AGAP1: variants seen among roughly 807,000 people sequenced by gnomAD.
The protein encoded by AGAP1 is ArfGAP with GTPase domain, ankyrin repeat and PH domain 1.
Under a neutral mutation model 105.3 loss-of-function variants are expected in AGAP1, and 29 were observed. That is an observed-to-expected ratio of 0.28 (90% CI 0.21 to 0.38). The LOEUF (loss-of-function observed/expected upper bound fraction) is 0.38, where lower values mean the gene tolerates loss of function less well. Among genes scored for constraint, AGAP1 ranks in the 10% least tolerant of loss-of-function variants. AGAP1 has a pLI of 1.00. For synonymous variants in AGAP1, 509 were observed against 485.9 expected, an observed-to-expected ratio of 1.05 and a Z score of -0.63; for missense variants, 998 against 1,165.1, an observed-to-expected ratio of 0.86 and a Z score of 2.09.
At chr2:235,731,114 G>T (rs897967392) in intron 3 of AGAP1, among the ~76,000 whole-genome samples, 1 of 152,190 alleles carries the variant, frequency 6.6e-6, no homozygotes, top group Non-Finnish European at 1.5e-5. Flanking sequence ...GACATGTAAT[G>T]GGGATGGCTG....
rs987815229 is a variant in AGAP1, at chr2:235,559,668, A to G, written c.163+64819A>G. ...ATTTTCTATACCCCTGAAATTTAACATTTTGGTGGGTATGATGTGGTATCT... is the reference window on the plus strand; with the variant it reads ...ATTTTCTATACCCCTGAAATTTAACGTTTTGGTGGGTATGATGTGGTATCT... On this transcript the variant is annotated intron_variant, in intron 1 of 17. Coordinates refer to ENST00000304032, the MANE Select transcript of AGAP1 (RefSeq NM_001037131.3). This position sits in a 1 kb window ranked among gnomAD's most constrained non-coding sequence, Gnocchi z 5.7. 6.6e-6 allele frequency among the ~76,000 whole-genome samples: 1 copy of G among 151,590 alleles called. No homozygotes were observed. The highest frequency in any genetic ancestry group is 1.5e-5 in the Non-Finnish European group (1 of 67,960).
chr2:235,813,570 C>T lies in AGAP1; in HGVS notation c.1050+6239C>T, dbSNP rs775140377. 2.6e-5 allele frequency among the ~76,000 whole-genome samples: 4 copies of T among 152,206 alleles called. No homozygotes were observed. The East Asian group carries it at 5.8e-4, about 22-fold the overall frequency. ...CCCGCAGCTCAGACCCCTAGGGGGG[C>T]GGGCAGGCAGTCAGGCGGGTTGTGG... On this transcript the variant is annotated intron_variant, in intron 9 of 17. Coordinates refer to ENST00000304032, the MANE Select transcript of AGAP1 (RefSeq NM_001037131.3).
intron 9 of AGAP1, among the ~76,000 whole-genome samples, chr2:235,809,136 C>A (rs1051895226): frequency 6.6e-6 from 1 of 151,962 alleles, no homozygotes; most frequent in African/African-American, 2.4e-5. Flanking sequence ...ACCAGCCTGG[C>A]GGGAGTCCCT....
At chr2:235,794,224 A>G (rs1957135991) in intron 6 of AGAP1, among the ~76,000 whole-genome samples, 1 of 152,180 alleles carries the variant, frequency 6.6e-6, no homozygotes, top group Admixed American at 6.5e-5. Context: ...GGTATCTTTT[A>G]TCTGTTAACC....
rs1559357631 is a variant in AGAP1, at chr2:235,692,138, T to C, written c.164-17041T>C. 2.6e-5 allele frequency among the ~76,000 whole-genome samples: 4 copies of C among 152,170 alleles called. No individual in the cohort carries two copies. The highest frequency in any genetic ancestry group is 4.8e-5 in the African/African-American group (2 of 41,440). Reference sequence around the variant, plus strand: ...TATTCATCTAAGAAGCTTTTGTACATGCGTTATGTATCCATAAGCCAAAGC... The same window carrying C: ...TATTCATCTAAGAAGCTTTTGTACACGCGTTATGTATCCATAAGCCAAAGC... On this transcript the variant is annotated intron_variant, in intron 1 of 17. Coordinates refer to ENST00000304032, the MANE Select transcript of AGAP1 (RefSeq NM_001037131.3). The surrounding 1 kb of genome is among the most constrained non-coding windows in gnomAD (Gnocchi z 5.8).
At chr2:235,503,616 A>G (rs560890328) in intron 1 of AGAP1, among the ~76,000 whole-genome samples, 70 of 152,074 alleles carry the variant, frequency 4.6e-4, no homozygotes, top group Non-Finnish European at 8.7e-4. Flanking sequence ...ATTTTTTGAG[A>G]CAGGGTCTCA....
rs548818004 is a variant in AGAP1, at chr2:236,104,140, C to T, written c.2115-16052C>T. Among the ~76,000 whole-genome samples, 27 of 152,196 alleles carry T rather than the reference C, an allele frequency of 1.8e-4. No homozygotes were observed. The highest frequency in any genetic ancestry group is 6.0e-4 in the African/African-American group (25 of 41,436). ...GGCAGTGGGTCTGCCCCAGGAGCCC[C>T]GCAAGGCGGGAGGCCTGTGTAAAGG... On this transcript the variant is annotated intron_variant, in intron 16 of 17. Coordinates refer to ENST00000304032, the MANE Select transcript of AGAP1 (RefSeq NM_001037131.3). The surrounding 1 kb of genome is among the most constrained non-coding windows in gnomAD (Gnocchi z 4.7).
At position 235,793,027 on chromosome 2, in the gene AGAP1, G is replaced by A. The variant is rs774950118; in HGVS notation, c.674-4732G>A. Among the ~76,000 whole-genome samples, 7 of 152,158 alleles carry A rather than the reference G, an allele frequency of 4.6e-5. No homozygotes were observed. The highest frequency in any genetic ancestry group is 7.2e-5 in the African/African-American group (3 of 41,432). ...AGGATGAGAAAGAGAAGTTCCAGCC[G>A]GAGGAGGAAAACCAGGGACGTCAGG... On this transcript the variant is annotated intron_variant, in intron 6 of 17. Coordinates refer to ENST00000304032, the MANE Select transcript of AGAP1 (RefSeq NM_001037131.3). The surrounding 1 kb of genome is among the most constrained non-coding windows in gnomAD (Gnocchi z 5.3).
chr2:235,747,131 C>G lies in AGAP1; in HGVS notation c.538+2292C>G, dbSNP rs1953019051. On this transcript the variant is annotated intron_variant, in intron 5 of 17. Coordinates refer to ENST00000304032, the MANE Select transcript of AGAP1 (RefSeq NM_001037131.3). The surrounding 1 kb of genome is among the most constrained non-coding windows in gnomAD (Gnocchi z 5.0). ...CATATTTCAATCTGCGACCAGTGTT[C>G]CAGGGTCCTGCCTGGAATCCTGAAC... Among the ~76,000 whole-genome samples the G allele has an allele frequency of 6.6e-6, 1 of 152,050 alleles. No individual in the cohort carries two copies. Among genetic ancestry groups the G allele is most frequent in the Non-Finnish European group, 1.5e-5 (1 of 68,014 alleles).
At position 235,992,824 on chromosome 2, in the gene AGAP1, C is replaced by T. The variant is rs903466513; in HGVS notation, c.1645+24201C>T. ...CTTTGGGGTAGACCAGCCGTTTCCA[C>T]GCACAGGCTGCACATTGTTTCATGG... On this transcript the variant is annotated intron_variant, in intron 13 of 17. Transcript: ENST00000304032. This position sits in a 1 kb window ranked among gnomAD's most constrained non-coding sequence, Gnocchi z 4.8. Among the ~76,000 whole-genome samples, 16 of 152,140 alleles carry T rather than the reference C, an allele frequency of 1.1e-4. No homozygotes were observed. The highest frequency in any genetic ancestry group is 1.6e-4 in the Non-Finnish European group (11 of 68,042).
At chr2:235,933,086 C>T (rs1325459416) in intron 12 of AGAP1, among the ~76,000 whole-genome samples, 4 of 152,174 alleles carry the variant, frequency 2.6e-5, no homozygotes, top group African/African-American at 9.7e-5. Context: ...TGCTGAGGGA[C>T]ATGGAAGGAG....
chr2:235,715,740 C>G (rs1020511934), intron 2 of AGAP1, among the ~76,000 whole-genome samples: 9 of 152,132 alleles, frequency 5.9e-5, no homozygotes, highest in African/African-American at 2.2e-4. Flanking sequence ...GAGAGAGGCC[C>G]TAGAGGCTGC....
rs1559350679 is a variant in AGAP1 at position 235,686,636 on chromosome 2, TATATATATAGATATATATATATA to T, written c.164-22542_164-22520del. Among the ~76,000 whole-genome samples the T allele has an allele frequency of 5.1e-4, 26 of 50,952 alleles. 1 individual carries two copies. Among genetic ancestry groups the T allele is most frequent in the East Asian group, 4.1e-3 (6 of 1,472 alleles). The allele number at this position is 50,952 out of a possible 152,430, so 33.4% of individuals were successfully genotyped here. A position where few individuals can be genotyped will look rare whatever the true frequency, so the allele number is the denominator to read the frequency against. ...GGAGATATAGATATATATATATATA[TATATATATAGATATATATATATA>T]TATATATTTTTTTTTTTTTTTAGAC... On this transcript the variant is annotated intron_variant, in intron 1 of 17. Transcript: ENST00000304032.
chr2:235,729,620 G>T lies in AGAP1; in HGVS notation c.311-11343G>T, dbSNP rs1449016347. On this transcript the variant is annotated intron_variant, in intron 3 of 17. Coordinates refer to ENST00000304032, the MANE Select transcript of AGAP1 (RefSeq NM_001037131.3). This position sits in a 1 kb window ranked among gnomAD's most constrained non-coding sequence, Gnocchi z 5.0. ...TCTTGGGGACCAAAATCCAAGCTAG[G>T]ATGGGGACAGAGGCCTGGAGACAAC... 6.6e-6 allele frequency among the ~76,000 whole-genome samples: 1 copy of T among 152,138 alleles called. No individual in the cohort carries two copies. The highest frequency in any genetic ancestry group is 2.4e-5 in the African/African-American group (1 of 41,396).
At chr2:235,760,247 C>T (rs1222724753) in intron 6 of AGAP1, among the ~76,000 whole-genome samples, 2 of 152,132 alleles carry the variant, frequency 1.3e-5, no homozygotes, top group African/African-American at 2.4e-5. Context: ...GGCATGGTGG[C>T]GTGTGCCTGT....
chr2:235,579,863 C>A (rs145271016), intron 1 of AGAP1, among the ~76,000 whole-genome samples: 22 of 152,310 alleles, frequency 1.4e-4, no homozygotes, highest in Non-Finnish European at 2.8e-4. Context: ...AATTTCATCA[C>A]CCCCGCCCAG....
At position 236,036,756 on chromosome 2, in the gene AGAP1, C is replaced by A; in HGVS notation, c.1800+41C>A. ...GCCCAAAACCAAGGCTGGGGCTGCTCAGGGGGAGTGCGGGCCCCAAGTAAT... is the reference window on the plus strand; with the variant it reads ...GCCCAAAACCAAGGCTGGGGCTGCTAAGGGGGAGTGCGGGCCCCAAGTAAT... On this transcript the variant is annotated intron_variant, in intron 14 of 17. Coordinates refer to ENST00000304032, the MANE Select transcript of AGAP1 (RefSeq NM_001037131.3). This position sits in a 1 kb window ranked among gnomAD's most constrained non-coding sequence, Gnocchi z 5.7. 2 of 1,611,564 alleles carry A rather than the reference C, an allele frequency of 1.2e-6. No individual in the cohort carries two copies. The highest frequency in any genetic ancestry group is 2.2e-5 in the South Asian group (2 of 90,664).
rs1297534663 is a variant in AGAP1, at chr2:235,740,156, A to G, written c.311-807A>G. Among the ~76,000 whole-genome samples, 1 of 152,148 alleles carries G rather than the reference A, an allele frequency of 6.6e-6. No homozygotes were observed. Among genetic ancestry groups the G allele is most frequent in the African/African-American group, 2.4e-5 (1 of 41,448 alleles). On this transcript the variant is annotated intron_variant, in intron 3 of 17. Transcript: ENST00000304032. This position sits in a 1 kb window ranked among gnomAD's most constrained non-coding sequence, Gnocchi z 5.7. ...CAGGGTGGAATCCTTCCCGCTGCCC[A>G]GCAGGAGCAGGGCTGGCCTAGCGGG...
intron 1 of AGAP1, among the ~76,000 whole-genome samples, chr2:235,656,767 C>T (rs1424512927): frequency 2.0e-5 from 3 of 152,188 alleles, no homozygotes; most frequent in East Asian, 1.9e-4. Flanking sequence ...AGTAACTTGC[C>T]TTGCTGAGAA....
Sources: allele counts gnomAD v4.1 joint callset (sites outside exome capture counted in the v4.1 genomes callset), GRCh38; gene constraint gnomAD v4.1.1; non-coding constraint Gnocchi (gnomAD v3.1); transcripts MANE v1.5; gene names NCBI Gene and HGNC (gene_info 2026-07-23, HGNC 2026-07-21).